Variants in PAK1 observed in about 807,000 individuals in gnomAD.
PAK1 encodes the protein serine/threonine-protein kinase PAK 1.
A neutral mutation model predicts 67.4 loss-of-function variants in PAK1; 29 were observed. The observed-to-expected ratio is 0.43, with a 90% CI of 0.32 to 0.59. The LOEUF (loss-of-function observed/expected upper bound fraction) is 0.59. Ranked by LOEUF, PAK1 falls within the 20% of genes least tolerant of loss-of-function variation. PAK1 has a pLI of 0.07. For missense variants in PAK1, 337 were observed against 670.7 expected, an observed-to-expected ratio of 0.50 and a Z score of 5.50; for synonymous variants, 223 against 237.4, an observed-to-expected ratio of 0.94 and a Z score of 0.56.
chr11:77,426,256 T>G (rs1307749226), intron 1 of PAK1, among the ~76,000 whole-genome samples: 7 of 152,020 alleles, frequency 4.6e-5, no homozygotes, highest in Non-Finnish European at 8.8e-5. Context: ...TTTTTTTCTC[T>G]GATCACAATA....
the PAK1 span, among the ~76,000 whole-genome samples, chr11:77,515,760 A>G: frequency 6.6e-6 from 1 of 152,238 alleles, no homozygotes; most frequent in Non-Finnish European, 1.5e-5. Flanking sequence ...GATGTTTACA[A>G]CAAGTGTCTT....
intron 8 of PAK1, among the ~76,000 whole-genome samples, chr11:77,351,286 T>C (rs1002362629): frequency 2.0e-5 from 3 of 151,094 alleles, no homozygotes; most frequent in South Asian, 2.1e-4. Flanking sequence ...TGCCTATTTA[T>C]AGGTCTCATA....
intron 11 of PAK1, 117 bp from the exon 12 acceptor site, chr11:77,337,540 A>C: frequency 2.0e-6 from 1 of 509,130 alleles, no homozygotes; most frequent in Non-Finnish European, 3.5e-6. Context: ...GTAAGGCCCC[A>C]GTGAGTAAAA....
intron 1 of PAK1, among the ~76,000 whole-genome samples, chr11:77,404,713 C>T (rs370731477): frequency 6.6e-6 from 1 of 152,178 alleles, no homozygotes; most frequent in Non-Finnish European, 1.5e-5. Flanking sequence ...TCCTCTCATC[C>T]GAAGCCAATT....
intron 1 of PAK1, among the ~76,000 whole-genome samples, chr11:77,419,619 A>C (rs1955152452): frequency 6.6e-6 from 1 of 152,246 alleles, no homozygotes; most frequent in African/African-American, 2.4e-5. Flanking sequence ...AAGTGCCTAA[A>C]GGATTTGAAA....
chr11:77,501,131 A>G, the PAK1 span, among the ~76,000 whole-genome samples: 2 of 151,512 alleles, frequency 1.3e-5, no homozygotes, highest in Non-Finnish European at 2.9e-5. Context: ...AGCCTGGGTG[A>G]CAGAGCGAGA....
At chr11:77,351,972 C>T (rs1319651984) in intron 8 of PAK1, among the ~76,000 whole-genome samples, 3 of 152,068 alleles carry the variant, frequency 2.0e-5, no homozygotes, top group African/African-American at 7.2e-5. Flanking sequence ...GTGTTCACTA[C>T]CAAGATCACC....
intron 5 of PAK1, among the ~76,000 whole-genome samples, chr11:77,367,238 C>T (rs558869144): frequency 3.3e-5 from 5 of 152,244 alleles, no homozygotes; most frequent in South Asian, 4.2e-4. Flanking sequence ...CAGGTGATGG[C>T]GGCACAACTC....
In PAK1 at chr11:77,355,717, C is replaced by T. The variant is rs199910150; in HGVS notation, c.723G>A (p.Lys241=). Residue 241 remains lysine (K), a synonymous_variant, in exon 7 of 15, where the codon AAG becomes AAA. Coordinates refer to ENST00000356341, the MANE Select transcript of PAK1 (RefSeq NM_002576.5). Reference sequence around the variant, plus strand: ...CAGACATTTTAGGCTTCTTCTTCTGCTTCTCAGTATTCCGGGTCAAAGCAT... The same window carrying T: ...CAGACATTTTAGGCTTCTTCTTCTGTTTCTCAGTATTCCGGGTCAAAGCAT... The part of the protein sequence containing the change: ...PPDALTRNTE[K]QKKKPKMSDE... The T allele has an allele frequency of 2.3e-4, 366 of 1,613,682 alleles. 1 individual carries two copies. The Middle Eastern group carries it at 2.8e-3, about 12-fold the overall frequency.
intron 11 of PAK1, among the ~76,000 whole-genome samples, chr11:77,339,215 G>A (rs1943203274): frequency 6.6e-6 from 1 of 152,034 alleles, no homozygotes; most frequent in South Asian, 2.1e-4. Context: ...TATATAGTGT[G>A]AATGTTGCAA....
rs1555152803 is a variant in PAK1 at position 77,365,270 on chromosome 11, A to AAAG, written c.478-6254_478-6253insCTT. On this transcript the variant is annotated intron_variant, in intron 5 of 14. Coordinates refer to ENST00000356341, the MANE Select transcript of PAK1 (RefSeq NM_002576.5). ...CTGTCTCAAAAAAAAAAAAAAAAAG[A>AAAG]AAAAAGAAAAAAGAAAATGGACCCA... Among the ~76,000 whole-genome samples the AAAG allele has an allele frequency of 6.1e-3, 667 of 109,442 alleles. 51 individuals carry two copies. The highest frequency in any genetic ancestry group is 0.021 in the African/African-American group (626 of 29,850). 71.8% of individuals were successfully genotyped at this position (109,442 alleles called of 152,430 possible).
the PAK1 span, among the ~76,000 whole-genome samples, chr11:77,484,942 T>A: frequency 1.4e-4 from 21 of 152,278 alleles, no homozygotes; most frequent in Admixed American, 6.5e-4. Context: ...CACATCTTAC[T>A]TGGATGGTAG....
intron 2 of PAK1, 59 bp from the exon 3 acceptor site, chr11:77,380,053 A>C: frequency 7.6e-7 from 1 of 1,315,292 alleles, no homozygotes. Context: ...TTTTAGGCTT[A>C]TTTTAGCTCT....
chr11:77,348,216 T>C (rs984431319), intron 9 of PAK1, among the ~76,000 whole-genome samples: 3 of 152,178 alleles, frequency 2.0e-5, no homozygotes, highest in South Asian at 2.1e-4. Flanking sequence ...TCTATTTTCA[T>C]TGGAAGAGGA....
chr11:77,353,702 AC>A, intron 7 of PAK1, 103 bp from the exon 8 acceptor site: 1 of 858,092 alleles, frequency 1.2e-6, no homozygotes, highest in Non-Finnish European at 2.0e-6. Flanking sequence ...TTAAAGAACT[AC>A]CTCCAATAGC....
intron 13 of PAK1, among the ~76,000 whole-genome samples, chr11:77,335,878 C>T (rs1442788742): frequency 6.6e-6 from 1 of 152,160 alleles, no homozygotes. Flanking sequence ...TTGCACTTGA[C>T]AGGGACTCAA....
At chr11:77,529,537 T>C in the PAK1 span, among the ~76,000 whole-genome samples, 1 of 152,192 alleles carries the variant, frequency 6.6e-6, no homozygotes, top group Non-Finnish European at 1.5e-5. Context: ...ACATTCCTTG[T>C]AGCTTTTGTC....
chr11:77,429,085 AAAAAAAAAAC>A lies in PAK1; in HGVS notation c.-21-36554_-21-36545del, dbSNP rs1161257270. Among the ~76,000 whole-genome samples the A allele has an allele frequency of 1.5e-4, 15 of 100,078 alleles. No homozygotes were observed. In the East Asian group the frequency reaches 3.0e-3, roughly 20 times the overall value. The allele number at this position is 100,078 out of a possible 152,430, so 65.7% of individuals were successfully genotyped here. A position where few individuals can be genotyped will look rare whatever the true frequency, so the allele number is the denominator to read the frequency against. Reference sequence around the variant, plus strand: ...AAAAAAAAAAAAAAAAAAAAAAAAAAAAAAAAAAACACACACACACACATCAGGATTCCTT... The same window carrying A: ...AAAAAAAAAAAAAAAAAAAAAAAAAAACACACACACACATCAGGATTCCTT... On this transcript the variant is annotated intron_variant, in intron 1 of 14. Coordinates refer to ENST00000356341, the MANE Select transcript of PAK1 (RefSeq NM_002576.5).
At chr11:77,465,022 G>A (rs890707550) in intron 1 of PAK1, among the ~76,000 whole-genome samples, 1 of 148,418 alleles carries the variant, frequency 6.7e-6, no homozygotes, top group Non-Finnish European at 1.5e-5. Context: ...GTCTGTGTGT[G>A]TGTCTGTGTG....
Sources: allele counts gnomAD v4.1 joint callset (sites outside exome capture counted in the v4.1 genomes callset), GRCh38; gene constraint gnomAD v4.1.1; transcripts MANE v1.5; gene names NCBI Gene and HGNC (gene_info 2026-07-23, HGNC 2026-07-21).